Variants in ZMYM4 observed in about 807,000 individuals in gnomAD.
ZMYM4 encodes zinc finger MYM-type protein 4.
A neutral mutation model predicts 183.2 loss-of-function variants in ZMYM4; 31 were observed. The ratio of observed to expected loss-of-function variants is 0.17; its 90% CI spans 0.13 to 0.23. The LOEUF is 0.23. Ranked by LOEUF, ZMYM4 falls within the 10% of genes least tolerant of loss-of-function variation. The pLI, the probability that ZMYM4 is intolerant of heterozygous loss-of-function variation, is 1.00. For missense variants in ZMYM4, 1,273 were observed against 1,840.3 expected (o/e 0.69, Z 5.64); for synonymous variants, 592 against 631.2 (o/e 0.94, Z 0.93).
intron 1 of ZMYM4, among the ~76,000 whole-genome samples, chr1:35,313,987 C>T (rs1417982239): frequency 1.3e-5 from 2 of 152,160 alleles, no homozygotes; most frequent in Non-Finnish European, 2.9e-5. Flanking sequence ...AAAACTCACA[C>T]CTCTGCTTAA....
chr1:35,279,575 C>T (rs762339138), intron 1 of ZMYM4, among the ~76,000 whole-genome samples: 3 of 152,202 alleles, frequency 2.0e-5, no homozygotes, highest in Non-Finnish European at 2.9e-5. Context: ...TGAGAACCTC[C>T]CAGTTAATCG....
chr1:35,325,363 G>C lies in ZMYM4; in HGVS notation c.43G>C (p.Glu15Gln), dbSNP rs777592329. Residue 15 changes from glutamate to glutamine, a missense_variant, in exon 2 of 30, where the codon GAA becomes CAA. Physicochemically the swap from Glu to Gln is conservative, Grantham distance 29 (BLOSUM62 2). Coordinates refer to ENST00000314607, the MANE Select transcript of ZMYM4 (RefSeq NM_005095.3). ...TTTTCCTTTTTTGCTTTTCCAGTTT[G>C]AACAAAAAAGTGGTGCAGTTTTTGA... ...EVESGPRKRFEQKSGAVFDEI... is the reference protein window; with the variant it reads ...EVESGPRKRFQQKSGAVFDEI... 20 of 1,601,440 alleles carry C rather than the reference G, an allele frequency of 1.2e-5. No individual in the cohort carries two copies. Among genetic ancestry groups the C allele is most frequent in the Non-Finnish European group, 1.5e-5 (18 of 1,173,418 alleles).
At position 35,385,448 on chromosome 1, in the gene ZMYM4, G is replaced by T; in HGVS notation, c.1576G>T (p.Ala526Ser). 4.4e-6 allele frequency: 7 copies of T among 1,603,290 alleles called. No individual in the cohort carries two copies. The highest frequency in any genetic ancestry group is 5.1e-6 in the Non-Finnish European group (6 of 1,177,432). The stretch of plus-strand genomic sequence containing the variant: ...TGTTTTATTCTCTTAATAGAAATCA[G>T]CCAAAATTACACCGTGTGCGCTTTG... Reference protein sequence around the residue: ...SCITAYKQKSAKITPCALCKS... With the variant: ...SCITAYKQKSSKITPCALCKS... The change falls in exon 10 of 30, where the codon GCC (alanine) becomes TCC (serine). Residue 526 changes from alanine (A) to serine (S), a missense_variant. Around this residue, in one of 6 missense-constraint regions of ZMYM4, gnomAD observed 319 missense variants for 518.1 expected, o/e 0.62. Transcript: ENST00000314607.
intron 1 of ZMYM4, chr1:35,309,126 A>G: frequency 1.3e-6 from 1 of 783,886 alleles, no homozygotes; most frequent in African/African-American, 1.9e-5. Context: ...ACCTCATTGA[A>G]TCTGAGAAAT....
At chr1:35,324,422 T>C (rs575720608) in intron 1 of ZMYM4, among the ~76,000 whole-genome samples, 70 of 152,274 alleles carry the variant, frequency 4.6e-4, no homozygotes, top group African/African-American at 1.6e-3. Flanking sequence ...TATAAGTTAC[T>C]TGTTTCCTTC....
chr1:35,329,270 G>T (rs1298800476), intron 2 of ZMYM4, among the ~76,000 whole-genome samples: 3 of 152,202 alleles, frequency 2.0e-5, no homozygotes, highest in Non-Finnish European at 4.4e-5. Context: ...CTTCAAGTTT[G>T]TTCTCCTGTG....
chr1:35,393,778 A>G, intron 18 of ZMYM4, 39 bp downstream of exon 18: 1 of 1,548,676 alleles, frequency 6.5e-7, no homozygotes, highest in Non-Finnish European at 8.7e-7. Flanking sequence ...TAATTTTTTA[A>G]GGGAAAGAAA....
chr1:35,358,172 A>G (rs753223339), intron 2 of ZMYM4, among the ~76,000 whole-genome samples: 1 of 152,138 alleles, frequency 6.6e-6, no homozygotes, highest in Non-Finnish European at 1.5e-5. Context: ...CAAACTAGGT[A>G]GAATTTTTTT....
At chr1:35,381,523 T>C (rs1385143790) in intron 8 of ZMYM4, 23 bp from the exon 9 acceptor site, 1 of 1,613,740 alleles carries the variant, frequency 6.2e-7, no homozygotes, top group African/African-American at 1.3e-5. Context: ...CTTGTTTTTG[T>C]GTTGCTGTTA....
chr1:35,308,348 A>C (rs1232592516), intron 1 of ZMYM4, among the ~76,000 whole-genome samples: 2 of 152,180 alleles, frequency 1.3e-5, no homozygotes, highest in Non-Finnish European at 2.9e-5. Context: ...GAGTACACCT[A>C]CTGTGTCCCA....
intron 23 of ZMYM4, among the ~76,000 whole-genome samples, chr1:35,399,846 G>C (rs1416682092): frequency 6.6e-6 from 1 of 151,632 alleles, no homozygotes; most frequent in Non-Finnish European, 1.5e-5. Context: ...TGCTTTATCT[G>C]TTTGAACAGC....
chr1:35,313,019 G>A (rs1474549392), intron 1 of ZMYM4, among the ~76,000 whole-genome samples: 4 of 152,058 alleles, frequency 2.6e-5, no homozygotes, highest in South Asian at 2.1e-4. Context: ...CCAGCCTCCC[G>A]AGTAGCTGGG....
intron 1 of ZMYM4, among the ~76,000 whole-genome samples, chr1:35,292,865 G>T (rs1370304059): frequency 6.6e-6 from 1 of 151,994 alleles, no homozygotes; most frequent in African/African-American, 2.4e-5. Flanking sequence ...TTTCCCCACC[G>T]CCTTCCCGCC....
In ZMYM4 at chr1:35,269,085, G is replaced by A. The variant is rs980815985; in HGVS notation, c.39G>A (p.Arg13=). 9 of 1,549,396 alleles carry A rather than the reference G, an allele frequency of 5.8e-6. No individual in the cohort carries two copies. In the Admixed American group the frequency reaches 5.9e-5, roughly 10 times the overall value. ...AGGTGGAGTCCGGCCCCCGAAAGAG[G>A]GTAGGTGAGGTGAGGCAGAACTCGG... ...EREVESGPRK[R]FEQKSGAVFD... The change falls in exon 1 of 30, where the codon AGG becomes AGA. Residue 13 remains arginine (R), a splice_region_variant and synonymous_variant. Transcript: ENST00000314607.
rs114613952 is a variant in ZMYM4, at chr1:35,283,870, A to T, written c.39+14785A>T. 9.9e-3 allele frequency among the ~76,000 whole-genome samples: 1,494 copies of T among 151,538 alleles called. 9 individuals are homozygous for T. The highest frequency in any genetic ancestry group is 0.015 in the Non-Finnish European group (1,013 of 67,870). On this transcript the variant is annotated intron_variant, in intron 1 of 29. Transcript: ENST00000314607. Reference sequence around the variant, plus strand: ...ATTGTTTTTATATTCTAAATATTAAACTCTTATCACAAAAATAATTTACAA... The same window carrying T: ...ATTGTTTTTATATTCTAAATATTAATCTCTTATCACAAAAATAATTTACAA...
At chr1:35,290,852 A>C (rs966146731) in intron 1 of ZMYM4, among the ~76,000 whole-genome samples, 1 of 152,244 alleles carries the variant, frequency 6.6e-6, no homozygotes, top group Admixed American at 6.5e-5. Flanking sequence ...TATCTCAATA[A>C]AGCTGTTATT....
chr1:35,397,205 T>C (rs1260407076), intron 19 of ZMYM4, 172 bp from the exon 20 acceptor site: 1 of 1,041,422 alleles, frequency 9.6e-7, no homozygotes, highest in Non-Finnish European at 1.2e-6. Context: ...TGAAATTTTA[T>C]TTAAATGGCT....
intron 1 of ZMYM4, among the ~76,000 whole-genome samples, chr1:35,271,563 T>C (rs1447393651): frequency 1.3e-5 from 2 of 152,072 alleles, no homozygotes. Flanking sequence ...CCACCATGCC[T>C]GGCTAATTTT....
At chr1:35,334,036 TAAA>T (rs375959822) in intron 2 of ZMYM4, among the ~76,000 whole-genome samples, 10 of 139,988 alleles carry the variant, frequency 7.1e-5, no homozygotes, top group African/African-American at 1.8e-4. Context: ...TTCTGTGACT[TAAA>T]AAAAAAAAAA....
Sources: allele counts gnomAD v4.1 joint callset (sites outside exome capture counted in the v4.1 genomes callset), GRCh38; gene constraint gnomAD v4.1.1; regional missense constraint gnomAD v4.1.1; transcripts MANE v1.5; gene names NCBI Gene and HGNC (gene_info 2026-07-23, HGNC 2026-07-21).